The following RAPGEF1 variants were observed in gnomAD, a reference collection of about 807,000 sequenced individuals.
RAPGEF1 encodes the protein CRK SH3-binding GNRP.
A neutral mutation model predicts 143.3 loss-of-function variants in RAPGEF1; 33 were observed. The observed-to-expected ratio is 0.23, with a 90% CI of 0.17 to 0.31. The LOEUF is 0.31. Ranked by LOEUF, RAPGEF1 falls within the 10% of genes least tolerant of loss-of-function variation. RAPGEF1 has a pLI of 1.00. For synonymous variants in RAPGEF1, 629 were observed against 676.5 expected (o/e 0.93, Z 1.09); for missense variants, 1,199 against 1,645.4 (o/e 0.73, Z 4.69).
At chr9:131,715,148 T>C (rs750000000) in intron 1 of RAPGEF1, among the ~76,000 whole-genome samples, 3 of 152,142 alleles carry the variant, frequency 2.0e-5, no homozygotes, top group Non-Finnish European at 2.9e-5. Context: ...TAGATCAGTC[T>C]CAGAATGTCA....
At chr9:131,624,773 G>A (rs140254309) in intron 10 of RAPGEF1, among the ~76,000 whole-genome samples, 11 of 152,354 alleles carry the variant, frequency 7.2e-5, no homozygotes, top group Middle Eastern at 3.4e-3. Context: ...CGGGAGCCCT[G>A]GTTTCTGATG....
chr9:131,677,287 T>C (rs1832491063), intron 1 of RAPGEF1, among the ~76,000 whole-genome samples: 1 of 152,228 alleles, frequency 6.6e-6, no homozygotes, highest in Non-Finnish European at 1.5e-5. Flanking sequence ...CAAAACTTAC[T>C]GTACTTTTAA....
intron 1 of RAPGEF1, among the ~76,000 whole-genome samples, chr9:131,652,234 A>AT (rs1971245545): frequency 7.1e-6 from 1 of 141,212 alleles, no homozygotes; most frequent in Admixed American, 7.2e-5. Context: ...TAAACTTTTA[A>AT]TTTAAAAAAA....
At chr9:131,681,413 G>A (rs1353248472) in intron 1 of RAPGEF1, among the ~76,000 whole-genome samples, 5 of 152,076 alleles carry the variant, frequency 3.3e-5, no homozygotes, top group African/African-American at 1.2e-4. Flanking sequence ...AGATCAACAG[G>A]GAAATATTAT....
chr9:131,605,035 C>T lies in RAPGEF1; in HGVS notation c.2215G>A (p.Gly739Ser), dbSNP rs750327460. The part of the protein sequence containing the change: ...SSDLAVPTMA[G>S]PPPSTVDGPL... Reference sequence around the variant, plus strand: ...CCGTCCACGGTGCTGGGAGGTGGACCGGCCATGGTTGGCACGGCTAAGTCA... The same window carrying T: ...CCGTCCACGGTGCTGGGAGGTGGACTGGCCATGGTTGGCACGGCTAAGTCA... Residue 739 changes from glycine to serine, a missense_variant, in exon 13 of 27, where the codon GGT (glycine) becomes AGT (serine). Transcript: ENST00000683357. 18 of 1,363,622 alleles carry T rather than the reference C, an allele frequency of 1.3e-5. No homozygotes were observed. Among genetic ancestry groups the T allele is most frequent in the Admixed American group, 3.8e-5 (2 of 52,144 alleles). 84.5% of individuals were successfully genotyped at this position (1,363,622 alleles called of 1,614,324 possible).
intron 1 of RAPGEF1, among the ~76,000 whole-genome samples, chr9:131,696,385 G>A (rs1430713283): frequency 6.6e-6 from 1 of 152,168 alleles, no homozygotes; most frequent in Non-Finnish European, 1.5e-5. Flanking sequence ...TCCTTAAAAA[G>A]GAAAATAAAG....
chr9:131,610,826 G>C (rs1353440566), intron 12 of RAPGEF1, among the ~76,000 whole-genome samples: 2 of 152,196 alleles, frequency 1.3e-5, no homozygotes, highest in African/African-American at 4.8e-5. Flanking sequence ...CCACGTGATT[G>C]TCTGGGGAGA....
chr9:131,628,346 C>G lies in RAPGEF1; in HGVS notation c.1017+203G>C, dbSNP rs1457301937. Among the ~76,000 whole-genome samples the G allele has an allele frequency of 6.6e-6, 1 of 152,208 alleles. No homozygotes were observed. Among genetic ancestry groups the G allele is most frequent in the East Asian group, 1.9e-4 (1 of 5,196 alleles). On this transcript the variant is annotated intron_variant, in intron 8 of 26. Transcript: ENST00000683357. The surrounding 1 kb of genome is among the most constrained non-coding windows in gnomAD (Gnocchi z 5.7). Reference sequence around the variant, plus strand: ...CCCCAGGAGACGCCCTTTGGCTCTGCCCTCCCTGCCCTGACCCTTATCCCC... The same window carrying G: ...CCCCAGGAGACGCCCTTTGGCTCTGGCCTCCCTGCCCTGACCCTTATCCCC...
At chr9:131,711,550 G>T (rs968911919) in intron 1 of RAPGEF1, among the ~76,000 whole-genome samples, 2 of 151,928 alleles carry the variant, frequency 1.3e-5, no homozygotes, top group African/African-American at 4.8e-5. Flanking sequence ...CGAGATGGGG[G>T]ATCTGCCACG....
intron 1 of RAPGEF1, among the ~76,000 whole-genome samples, chr9:131,726,488 C>T (rs1203658093): frequency 4.6e-5 from 7 of 152,034 alleles, no homozygotes; most frequent in African/African-American, 9.6e-5. Flanking sequence ...TAGCCGGACG[C>T]GGTGGTGGAT....
At chr9:131,679,643 A>G (rs560091978) in intron 1 of RAPGEF1, among the ~76,000 whole-genome samples, 1 of 152,312 alleles carries the variant, frequency 6.6e-6, no homozygotes, top group South Asian at 2.1e-4. Flanking sequence ...GTCCGGGTCC[A>G]CGCACAGTTT....
intron 18 of RAPGEF1, among the ~76,000 whole-genome samples, chr9:131,591,085 G>C (rs1040941037): frequency 6.6e-6 from 1 of 152,264 alleles, no homozygotes; most frequent in African/African-American, 2.4e-5. Flanking sequence ...ACACGTGTGA[G>C]TGACAGCCAT....
At chr9:131,630,635 T>C (rs1450382989) in intron 5 of RAPGEF1, among the ~76,000 whole-genome samples, 1 of 152,170 alleles carries the variant, frequency 6.6e-6, no homozygotes, top group Admixed American at 6.5e-5. Flanking sequence ...AAAATACTCA[T>C]CAGAACAGGT....
intron 17 of RAPGEF1, 21 bp from the exon 18 acceptor site, chr9:131,592,204 A>ACCCAGACAAGCAGTTTGC: frequency 1.3e-6 from 2 of 1,567,892 alleles, no homozygotes; most frequent in Non-Finnish European, 1.8e-6. Flanking sequence ...AAAACAATGC[A>ACCCAGACAAGCAGTTTGC]AACTGCTTGT....
chr9:131,623,497 G>T (rs558493408), intron 10 of RAPGEF1, among the ~76,000 whole-genome samples: 1 of 152,296 alleles, frequency 6.6e-6, no homozygotes, highest in East Asian at 1.9e-4. Context: ...AGGTCTTTCT[G>T]AACTCTTGAT....
In RAPGEF1 at chr9:131,653,425, T is replaced by C. The variant is rs1455398937; in HGVS notation, c.62-2476A>G. Among the ~76,000 whole-genome samples, 3 of 152,206 alleles carry C rather than the reference T, an allele frequency of 2.0e-5. No homozygotes were observed. In the East Asian group the frequency reaches 5.8e-4, roughly 29 times the overall value. Reference sequence around the variant, plus strand: ...TCAGCTATACCTGATAAGGGACTTGTATACAGAAAACATTACAAAATTCTT... The same window carrying C: ...TCAGCTATACCTGATAAGGGACTTGCATACAGAAAACATTACAAAATTCTT... On this transcript the variant is annotated intron_variant, in intron 1 of 26. Coordinates refer to ENST00000683357, the MANE Select transcript of RAPGEF1 (RefSeq NM_001377935.1).
intron 1 of RAPGEF1, among the ~76,000 whole-genome samples, chr9:131,722,309 CCT>C (rs1047849503): frequency 6.6e-6 from 1 of 152,186 alleles, no homozygotes; most frequent in Non-Finnish European, 1.5e-5. Flanking sequence ...CCTAGATCGT[CCT>C]CTCTTTTCCC....
chr9:131,665,926 A>G (rs1830354852), intron 1 of RAPGEF1, among the ~76,000 whole-genome samples: 1 of 152,198 alleles, frequency 6.6e-6, no homozygotes, highest in Non-Finnish European at 1.5e-5. Context: ...GAAGGGTTCT[A>G]CTTACTAGTC....
At position 131,738,156 on chromosome 9, in the gene RAPGEF1, T is replaced by C. The variant is rs1279217962; in HGVS notation, c.61+1614A>G. ...TCCGGTTCATTTTACTTTTCTGTGA[T>C]TTCCAAGTTTTGACAATGAACATAG... On this transcript the variant is annotated intron_variant, in intron 1 of 26. Coordinates refer to ENST00000683357, the MANE Select transcript of RAPGEF1 (RefSeq NM_001377935.1). 3.3e-5 allele frequency among the ~76,000 whole-genome samples: 5 copies of C among 151,876 alleles called. No homozygotes were observed. The South Asian group carries it at 1.0e-3, about 32-fold the overall frequency.
Sources: gnomAD v4.1 joint callset for allele counts (sites outside exome capture counted in the v4.1 genomes callset) on GRCh38, gnomAD v4.1.1 for gene constraint, Gnocchi (gnomAD v3.1) non-coding constraint, MANE v1.5 for transcripts, NCBI Gene and HGNC (gene_info 2026-07-23, HGNC 2026-07-21) for gene names.